RABGAP1L: variants seen among roughly 807,000 people sequenced by gnomAD.
The protein encoded by RABGAP1L is rab GTPase-activating protein 1-like.
A neutral mutation model predicts 137.7 loss-of-function variants in RABGAP1L; 63 were observed. The ratio of observed to expected loss-of-function variants is 0.46; its 90% CI spans 0.37 to 0.56. The LOEUF (loss-of-function observed/expected upper bound fraction) is 0.56, where lower values mean the gene tolerates loss of function less well. RABGAP1L is among the 20% of genes least tolerant of loss of function. The pLI is 0.00. For missense variants in RABGAP1L, 1,095 were observed against 1,244.0 expected, an observed-to-expected ratio of 0.88 and a Z score of 1.80; for synonymous variants, 431 against 433.7, an observed-to-expected ratio of 0.99 and a Z score of 0.08.
chr1:174,871,694 A>C (rs1171741145), intron 19 of RABGAP1L, among the ~76,000 whole-genome samples: 1 of 152,206 alleles, frequency 6.6e-6, no homozygotes, highest in East Asian at 1.9e-4. Flanking sequence ...AACGAATATC[A>C]TGTGAAATGA....
chr1:174,278,550 C>A, intron 9 of RABGAP1L, 63 bp from the exon 10 acceptor site: 1 of 1,338,572 alleles, frequency 7.5e-7, no homozygotes, highest in Non-Finnish European at 1.0e-6. Context: ...AGTGAGGAAA[C>A]TTTGTTTAAA....
chr1:174,317,983 C>T (rs1679550018), intron 11 of RABGAP1L, among the ~76,000 whole-genome samples: 1 of 151,838 alleles, frequency 6.6e-6, no homozygotes, highest in Admixed American at 6.6e-5. Flanking sequence ...CCCAGTGATG[C>T]TTACCCCACC....
chr1:174,907,561 C>T (rs577518776), intron 19 of RABGAP1L, among the ~76,000 whole-genome samples: 1 of 152,232 alleles, frequency 6.6e-6, no homozygotes, highest in African/African-American at 2.4e-5. Context: ...ATGATCCACC[C>T]ACCTCGGCCT....
intron 19 of RABGAP1L, among the ~76,000 whole-genome samples, chr1:174,873,320 C>T (rs1188878515): frequency 3.9e-5 from 6 of 151,968 alleles, no homozygotes; most frequent in East Asian, 3.9e-4. Flanking sequence ...CCACCCGCCT[C>T]GGCCTCCAAA....
intron 19 of RABGAP1L, among the ~76,000 whole-genome samples, chr1:174,931,726 A>G (rs1242492262): frequency 6.6e-6 from 1 of 152,196 alleles, no homozygotes; most frequent in Non-Finnish European, 1.5e-5. Context: ...TGCACTAAAG[A>G]AAGCAAAAGA....
chr1:174,377,444 C>G (rs1685643891), intron 12 of RABGAP1L, among the ~76,000 whole-genome samples: 1 of 152,226 alleles, frequency 6.6e-6, no homozygotes, highest in East Asian at 1.9e-4. Context: ...TACCTGATTT[C>G]TAGGTTTACT....
chr1:174,938,941 A>G (rs1665359925), intron 19 of RABGAP1L, among the ~76,000 whole-genome samples: 1 of 152,178 alleles, frequency 6.6e-6, no homozygotes, highest in Non-Finnish European at 1.5e-5. Context: ...GACTTTGAAG[A>G]GCAATCGTTT....
At chr1:174,609,132 A>G (rs952626487) in intron 13 of RABGAP1L, among the ~76,000 whole-genome samples, 3 of 152,138 alleles carry the variant, frequency 2.0e-5, no homozygotes, top group Admixed American at 2.0e-4. Flanking sequence ...TTTGTTATCA[A>G]CCACTTAAAA....
intron 18 of RABGAP1L, among the ~76,000 whole-genome samples, chr1:174,792,862 G>A (rs913747198): frequency 6.6e-6 from 1 of 152,230 alleles, no homozygotes; most frequent in Non-Finnish European, 1.5e-5. Context: ...GGCCAGTGCG[G>A]TGGCTCACGC....
chr1:174,606,166 G>A (rs1442499367), intron 13 of RABGAP1L, among the ~76,000 whole-genome samples: 1 of 152,146 alleles, frequency 6.6e-6, no homozygotes, highest in East Asian at 1.9e-4. Flanking sequence ...ACATTTTGAA[G>A]ACTCCTCATA....
At chr1:174,643,117 T>G (rs75919161) in intron 14 of RABGAP1L, among the ~76,000 whole-genome samples, 2,201 of 152,200 alleles carry the variant, frequency 0.014, 62 homozygotes, top group African/African-American at 0.05. Context: ...TAGCACTGAC[T>G]AAGCGCTCCT....
Position 174,761,164 on chromosome 1 carries a change from C to T in RABGAP1L, c.2211+8810C>T, listed in dbSNP as rs1334116915. Among the ~76,000 whole-genome samples, 3 of 152,232 alleles carry T rather than the reference C, an allele frequency of 2.0e-5. No homozygotes were observed. The highest frequency in any genetic ancestry group is 4.4e-5 in the Non-Finnish European group (3 of 68,052). On this transcript the variant is annotated intron_variant, in intron 18 of 25. Coordinates refer to ENST00000681986, the MANE Select transcript of RABGAP1L (RefSeq NM_001366446.1). This position sits in a 1 kb window ranked among gnomAD's most constrained non-coding sequence, Gnocchi z 4.0. ...GCAAGGAGGAGCAAGTCACATCCAA[C>T]ATGGATGGCAGCAGACAAAGAGAGA...
At chr1:174,174,933 G>T (rs935853435) in intron 1 of RABGAP1L, among the ~76,000 whole-genome samples, 3 of 152,172 alleles carry the variant, frequency 2.0e-5, no homozygotes, top group African/African-American at 2.4e-5. Flanking sequence ...GCTTTTACTA[G>T]CTATCTGGGT....
intron 23 of RABGAP1L, among the ~76,000 whole-genome samples, chr1:174,982,141 C>T (rs2285210): frequency 0.76 from 115,164 of 152,108 alleles, 44,681 homozygotes; most frequent in African/African-American, 0.94. Context: ...ACTCTGCCAC[C>T]TTTTTTTAAT....
chr1:174,923,097 G>A (rs983164275), intron 19 of RABGAP1L, among the ~76,000 whole-genome samples: 2 of 150,090 alleles, frequency 1.3e-5, no homozygotes, highest in Admixed American at 6.7e-5. Context: ...GCAGAACTAC[G>A]GACACATCAC....
At chr1:174,748,599 A>G (rs1684072397) in intron 17 of RABGAP1L, among the ~76,000 whole-genome samples, 1 of 152,136 alleles carries the variant, frequency 6.6e-6, no homozygotes, top group South Asian at 2.1e-4. Flanking sequence ...GGCCGAGCAC[A>G]GTGGCTCATG....
intron 4 of RABGAP1L, among the ~76,000 whole-genome samples, chr1:174,238,029 C>T (rs1202946933): frequency 1.3e-5 from 2 of 151,754 alleles, no homozygotes; most frequent in Non-Finnish European, 2.9e-5. Flanking sequence ...TTTCATCTTC[C>T]ATTGCTGATA....
intron 18 of RABGAP1L, among the ~76,000 whole-genome samples, chr1:174,790,268 A>T (rs1687749295): frequency 6.6e-6 from 1 of 152,168 alleles, no homozygotes; most frequent in Non-Finnish European, 1.5e-5. Context: ...AGTGGTGATA[A>T]ATGTCATAAA....
At chr1:174,270,334 G>T (rs953854534) in intron 7 of RABGAP1L, among the ~76,000 whole-genome samples, 6 of 152,058 alleles carry the variant, frequency 3.9e-5, no homozygotes, top group African/African-American at 1.4e-4. Flanking sequence ...ATATTATGCT[G>T]AGAAAATGTG....
Sources: gnomAD v4.1 joint callset for allele counts (sites outside exome capture counted in the v4.1 genomes callset) on GRCh38, gnomAD v4.1.1 for gene constraint, Gnocchi (gnomAD v3.1) non-coding constraint, MANE v1.5 for transcripts, NCBI Gene and HGNC (gene_info 2026-07-23, HGNC 2026-07-21) for gene names.